The following NXPH1 variants were observed in gnomAD, a reference collection of about 807,000 sequenced individuals.
The protein encoded by NXPH1 is neurexophilin-1.
A neutral mutation model predicts 23.7 loss-of-function variants in NXPH1; 5 were observed. That is an observed-to-expected ratio of 0.21 (90% CI 0.11 to 0.44). The LOEUF (loss-of-function observed/expected upper bound fraction) is 0.44, where lower values mean the gene tolerates loss of function less well. NXPH1 is among the 20% of genes least tolerant of loss of function. The pLI, the probability that NXPH1 is intolerant of heterozygous loss-of-function variation, is 0.99. For synonymous variants in NXPH1, 144 were observed against 122.2 expected, an observed-to-expected ratio of 1.18 and a Z score of -1.18; for missense variants, 324 against 321.6, an observed-to-expected ratio of 1.01 and a Z score of -0.06.
intron 2 of NXPH1, among the ~76,000 whole-genome samples, chr7:8,654,890 G>T (rs1820548031): frequency 6.6e-6 from 1 of 152,128 alleles, no homozygotes; most frequent in Admixed American, 6.5e-5. Context: ...TCTTCCTGGG[G>T]GTAAAGAGAG....
Position 8,442,248 on chromosome 7 carries a change from T to G in NXPH1, c.54+6481T>G, listed in dbSNP as rs1034280045. The stretch of plus-strand genomic sequence containing the variant: ...GCGCATCGCCTCATCTGCATGAGAA[T>G]GGAGAACCGGGAGGCTTTTCTTGTA... On this transcript the variant is annotated intron_variant, in intron 2 of 2. Coordinates refer to ENST00000405863, the MANE Select transcript of NXPH1 (RefSeq NM_152745.3). This position sits in a 1 kb window ranked among gnomAD's most constrained non-coding sequence, Gnocchi z 4.6. Among the ~76,000 whole-genome samples the G allele has an allele frequency of 6.6e-6, 1 of 152,236 alleles. No individual in the cohort carries two copies. Among genetic ancestry groups the G allele is most frequent in the African/African-American group, 2.4e-5 (1 of 41,460 alleles).
chr7:8,642,547 A>G (rs1032468021), intron 2 of NXPH1, among the ~76,000 whole-genome samples: 2 of 152,200 alleles, frequency 1.3e-5, no homozygotes, highest in African/African-American at 2.4e-5. Flanking sequence ...TACCAAAAAT[A>G]TATAAAAAAT....
intron 2 of NXPH1, among the ~76,000 whole-genome samples, chr7:8,677,245 A>T (rs891199769): frequency 3.3e-5 from 5 of 152,346 alleles, no homozygotes; most frequent in African/African-American, 1.2e-4. Flanking sequence ...AGAATTTGCA[A>T]ATTAAACTAA....
intron 2 of NXPH1, among the ~76,000 whole-genome samples, chr7:8,495,208 G>A (rs1013065505): frequency 1.3e-5 from 2 of 151,854 alleles, no homozygotes; most frequent in African/African-American, 4.8e-5. Context: ...TAGGATTGAT[G>A]TTGCAGTCTT....
chr7:8,720,131 G>GGATTGAAACCTGA (rs1779947623), intron 2 of NXPH1, among the ~76,000 whole-genome samples: 1 of 151,930 alleles, frequency 6.6e-6, no homozygotes, highest in South Asian at 2.1e-4. Flanking sequence ...CAAGGATTGG[G>GGATTGAAACCTGA]GAATGCCTCT....
intron 2 of NXPH1, among the ~76,000 whole-genome samples, chr7:8,508,056 A>G (rs1817558859): frequency 6.6e-6 from 1 of 152,122 alleles, no homozygotes. Context: ...TACCCATCCA[A>G]TATTCCTGAT....
At chr7:8,604,174 G>C (rs1359542133) in intron 2 of NXPH1, among the ~76,000 whole-genome samples, 1 of 152,032 alleles carries the variant, frequency 6.6e-6, no homozygotes, top group Non-Finnish European at 1.5e-5. Context: ...TGTACTACTT[G>C]GTACATTTAG....
At position 8,662,444 on chromosome 7, in the gene NXPH1, A is replaced by G. The variant is rs138372865; in HGVS notation, c.55-88564A>G. On this transcript the variant is annotated intron_variant, in intron 2 of 2. Coordinates refer to ENST00000405863, the MANE Select transcript of NXPH1 (RefSeq NM_152745.3). ...TGGCTTAAGTTACTGGAACTTTTTG[A>G]CCAATATATTTAACTAGAATGAGAA... 4.0e-3 allele frequency among the ~76,000 whole-genome samples: 611 copies of G among 152,188 alleles called. 7 individuals are homozygous for G. Among genetic ancestry groups the G allele is most frequent in the African/African-American group, 0.014 (583 of 41,554 alleles).
intron 2 of NXPH1, among the ~76,000 whole-genome samples, chr7:8,581,354 T>C (rs1270507938): frequency 6.6e-6 from 1 of 152,160 alleles, no homozygotes; most frequent in Non-Finnish European, 1.5e-5. Context: ...CAGGAAGCCA[T>C]GGCTAGGGTG....
intron 2 of NXPH1, among the ~76,000 whole-genome samples, chr7:8,493,709 G>C (rs1563326653): frequency 6.6e-6 from 1 of 152,026 alleles, no homozygotes; most frequent in Non-Finnish European, 1.5e-5. Context: ...TCTGTGATCA[G>C]AAAGATTGTA....
At chr7:8,451,419 G>T (rs1032348123) in intron 2 of NXPH1, among the ~76,000 whole-genome samples, 1 of 152,190 alleles carries the variant, frequency 6.6e-6, no homozygotes, top group African/African-American at 2.4e-5. Flanking sequence ...AGCAGTAGGA[G>T]TTTCTTTTTC....
At chr7:8,605,679 A>G (rs549400609) in intron 2 of NXPH1, among the ~76,000 whole-genome samples, 1 of 152,264 alleles carries the variant, frequency 6.6e-6, no homozygotes, top group African/African-American at 2.4e-5. Flanking sequence ...AATTTTGCCT[A>G]CAAAAGAGTT....
At chr7:8,714,498 C>T (rs893688587) in intron 2 of NXPH1, among the ~76,000 whole-genome samples, 2 of 151,522 alleles carry the variant, frequency 1.3e-5, no homozygotes, top group Non-Finnish European at 2.9e-5. Flanking sequence ...CTACTTTTCT[C>T]AAGCAGAAGG....
chr7:8,709,931 T>C (rs1233741963), intron 2 of NXPH1, among the ~76,000 whole-genome samples: 1 of 152,188 alleles, frequency 6.6e-6, no homozygotes, highest in African/African-American at 2.4e-5. Context: ...ATTGAACCAA[T>C]AGTGGCTGAA....
intron 2 of NXPH1, among the ~76,000 whole-genome samples, chr7:8,517,330 TGAG>T (rs1817701967): frequency 1.3e-5 from 2 of 151,494 alleles, no homozygotes; most frequent in African/African-American, 4.9e-5. Flanking sequence ...CTGATCAGAG[TGAG>T]GAGAAGAGGA....
intron 2 of NXPH1, among the ~76,000 whole-genome samples, chr7:8,502,380 T>A (rs1488737101): frequency 6.6e-6 from 1 of 152,026 alleles, no homozygotes; most frequent in Non-Finnish European, 1.5e-5. Flanking sequence ...TTTTTTTTCC[T>A]GGCCCTTATG....
At chr7:8,567,170 A>G (rs1389891282) in intron 2 of NXPH1, among the ~76,000 whole-genome samples, 8 of 151,906 alleles carry the variant, frequency 5.3e-5, no homozygotes, top group Non-Finnish European at 1.2e-4. Flanking sequence ...CCAACTCTAA[A>G]TATGATTTTA....
intron 2 of NXPH1, among the ~76,000 whole-genome samples, chr7:8,630,179 A>T (rs549556473): frequency 1.3e-3 from 198 of 152,246 alleles, no homozygotes; most frequent in Non-Finnish European, 2.4e-3. Context: ...GTGACATTCT[A>T]GTTCTGGGTC....
At chr7:8,708,572 G>A (rs1188969732) in intron 2 of NXPH1, among the ~76,000 whole-genome samples, 1 of 151,642 alleles carries the variant, frequency 6.6e-6, no homozygotes, top group Non-Finnish European at 1.5e-5. Context: ...ATGTTGGTCA[G>A]GCTGGTCTGT....
Sources: gnomAD v4.1 joint callset for allele counts (sites outside exome capture counted in the v4.1 genomes callset) on GRCh38, gnomAD v4.1.1 for gene constraint, Gnocchi (gnomAD v3.1) non-coding constraint, MANE v1.5 for transcripts, NCBI Gene and HGNC (gene_info 2026-07-23, HGNC 2026-07-21) for gene names.